The following GSDME variants were observed in gnomAD, a reference collection of about 807,000 sequenced individuals.
GSDME encodes the protein gasdermin E.
In GSDME, 44 loss-of-function variants were observed where a neutral mutation model predicts 47.5. That is an observed-to-expected ratio of 0.93 (90% CI 0.73 to 1.19). The LOEUF (loss-of-function observed/expected upper bound fraction) is 1.19, where lower values mean the gene tolerates loss of function less well. GSDME is among the 50% of genes most tolerant of loss of function. The pLI is 0.00. For missense variants in GSDME, 663 were observed against 604.2 expected (o/e 1.10, Z -1.02); for synonymous variants, 258 against 252.8 (o/e 1.02, Z -0.20).
In GSDME at chr7:24,710,260, A is replaced by G. The variant is rs727502954; in HGVS notation, c.826T>C (p.Ser276Pro). The change falls in exon 6 of 10, where the codon TCT becomes CCT. Residue 276 changes from serine (S) to proline (P), a missense_variant. Physicochemically the swap from Ser to Pro is moderately conservative, Grantham distance 74 (BLOSUM62 -1). Transcript: ENST00000645220. ...ACACTTAATGGTCCATCCTGGGAAG[A>G]TATCCCATGCGCAGCATCTGGCATG... ...IDMPDAAHGI[S>P]SQDGPLSVLK... The G allele has an allele frequency of 1.5e-5, 25 of 1,614,062 alleles. No homozygotes were observed. The highest frequency in any genetic ancestry group is 5.9e-6 in the Non-Finnish European group (7 of 1,180,054).
In GSDME at chr7:24,744,362, T is replaced by TC. The variant is rs71582854; in HGVS notation, c.404+199dup. ...ATCCTTTGAAAGTGCTTCCCAAGTCTCCCCCCACTCAGGCTAAGAACAGTC... is the reference window on the plus strand; with the variant it reads ...ATCCTTTGAAAGTGCTTCCCAAGTCTCCCCCCCACTCAGGCTAAGAACAGTC... On this transcript the variant is annotated intron_variant, in intron 3 of 9. Coordinates refer to ENST00000645220, the MANE Select transcript of GSDME (RefSeq NM_001127453.2). This position sits in a 1 kb window ranked among gnomAD's most constrained non-coding sequence, Gnocchi z 4.5. 4 of 625,900 alleles carry TC rather than the reference T, an allele frequency of 6.4e-6. No homozygotes were observed. The highest frequency in any genetic ancestry group is 2.8e-6 in the Non-Finnish European group (1 of 353,266). 38.8% of individuals were successfully genotyped at this position (625,900 alleles called of 1,614,324 possible). A position where few individuals can be genotyped will look rare whatever the true frequency, so the allele number is the denominator to read the frequency against.
chr7:24,750,871 A>G (rs1309017160), intron 1 of GSDME, among the ~76,000 whole-genome samples: 1 of 152,250 alleles, frequency 6.6e-6, no homozygotes, highest in East Asian at 1.9e-4. Flanking sequence ...ACTCAAGAGA[A>G]GCAGTATAGA....
At chr7:24,778,014 GCTCC>G in the GSDME span, among the ~76,000 whole-genome samples, 1 of 150,760 alleles carries the variant, frequency 6.6e-6, no homozygotes, top group Admixed American at 6.6e-5. This position sits in a 1 kb window ranked among gnomAD's most constrained non-coding sequence, Gnocchi z 5.6. Flanking sequence ...TCCCATAAAG[GCTCC>G]CTCTAAAAGG....
intron 3 of GSDME, among the ~76,000 whole-genome samples, chr7:24,730,903 T>C (rs370475758): frequency 1.3e-5 from 2 of 152,272 alleles, no homozygotes; most frequent in African/African-American, 4.8e-5. Flanking sequence ...GAACAAGTAT[T>C]GGAGGGTCCC....
Position 24,728,990 on chromosome 7 carries a change from C to A in GSDME, c.405-9772G>T, listed in dbSNP as rs1349439116. Reference sequence around the variant, plus strand: ...TTGTTGCCAAAGTGACCAAGTCACCCGCAGACTGTGGCTGCTCCGCCTCTG... The same window carrying A: ...TTGTTGCCAAAGTGACCAAGTCACCAGCAGACTGTGGCTGCTCCGCCTCTG... On this transcript the variant is annotated intron_variant, in intron 3 of 9. Transcript: ENST00000645220. The surrounding 1 kb of genome is among the most constrained non-coding windows in gnomAD (Gnocchi z 7.2). Among the ~76,000 whole-genome samples the A allele has an allele frequency of 6.6e-6, 1 of 152,194 alleles. No homozygotes were observed. The highest frequency in any genetic ancestry group is 6.5e-5 in the Admixed American group (1 of 15,282).
chr7:24,794,153 CTCTT>C, the GSDME span, among the ~76,000 whole-genome samples: 1 of 150,546 alleles, frequency 6.6e-6, no homozygotes, highest in African/African-American at 2.4e-5. Flanking sequence ...CTCTCTTTCT[CTCTT>C]TGACTTCCTT....
intron 1 of GSDME, among the ~76,000 whole-genome samples, chr7:24,753,183 A>G (rs1050945649): frequency 3.3e-5 from 5 of 152,222 alleles, no homozygotes; most frequent in East Asian, 1.9e-4. Context: ...TTACATGTGA[A>G]TTATACTTAC....
At chr7:24,701,899 C>A (rs1038897112) in intron 9 of GSDME, among the ~76,000 whole-genome samples, 4 of 152,214 alleles carry the variant, frequency 2.6e-5, no homozygotes, top group Non-Finnish European at 4.4e-5. Context: ...AACCACATTA[C>A]TCGGTGTTCC....
chr7:24,744,718 T>C lies in GSDME; in HGVS notation c.248A>G (p.Lys83Arg), dbSNP rs1173732499. The change falls in exon 3 of 10, where the codon AAG becomes AGG. Residue 83 changes from lysine (K) to arginine (R), a missense_variant. Physicochemically the swap from Lys to Arg is conservative, Grantham distance 26. Transcript: ENST00000645220. The surrounding 1 kb of genome is among the most constrained non-coding windows in gnomAD (Gnocchi z 4.5). The part of the protein sequence containing the change: ...VESDFVKYEG[K>R]FANHVSGTLE... ...GGTTCCACTCACGTGGTTTGCAAAC[T>C]TGCCCTCGTATTTCACAAAGTCCGA... The C allele has an allele frequency of 1.9e-6, 3 of 1,614,146 alleles. No individual in the cohort carries two copies. The highest frequency in any genetic ancestry group is 2.2e-5 in the East Asian group (1 of 44,884).
rs916472397 is a variant in GSDME at position 24,728,691 on chromosome 7, A to T, written c.405-9473T>A. On this transcript the variant is annotated intron_variant, in intron 3 of 9. Coordinates refer to ENST00000645220, the MANE Select transcript of GSDME (RefSeq NM_001127453.2). This position sits in a 1 kb window ranked among gnomAD's most constrained non-coding sequence, Gnocchi z 7.2. ...CAGGAAGTGGATCCTCTTGGAAACG[A>T]AAGCAGCCGCCCACTGTCTCCCCCG... Among the ~76,000 whole-genome samples, 2 of 152,188 alleles carry T rather than the reference A, an allele frequency of 1.3e-5. No homozygotes were observed. Among genetic ancestry groups the T allele is most frequent in the Admixed American group, 6.5e-5 (1 of 15,282 alleles).
intron 3 of GSDME, among the ~76,000 whole-genome samples, chr7:24,720,714 G>C (rs777682252): frequency 7.2e-5 from 11 of 152,176 alleles, no homozygotes; most frequent in African/African-American, 9.7e-5. Context: ...TCGGGAGTTC[G>C]AGACCAGCCT....
In GSDME at chr7:24,756,138, C is replaced by T. The variant is rs2188880; in HGVS notation, c.-20+1258G>A. ...GATGGTCATAAGACAGGCAGGAGCT[C>T]GAAAGGAGAAGGAGAGTGAGGCGCC... On this transcript the variant is annotated intron_variant, in intron 1 of 9. Coordinates refer to ENST00000645220, the MANE Select transcript of GSDME (RefSeq NM_001127453.2). This position sits in a 1 kb window ranked among gnomAD's most constrained non-coding sequence, Gnocchi z 4.2. Among the ~76,000 whole-genome samples, 23,225 of 152,082 alleles carry T rather than the reference C, an allele frequency of 0.15. 4,265 individuals are homozygous for T. The highest frequency in any genetic ancestry group is 0.44 in the African/African-American group (18,261 of 41,420).
chr7:24,795,258 G>A, the GSDME span, among the ~76,000 whole-genome samples: 17 of 152,190 alleles, frequency 1.1e-4, no homozygotes, highest in Admixed American at 3.9e-4. Flanking sequence ...GGAGTCCCCC[G>A]CAGGGATGTT....
At chr7:24,703,151 T>C (rs1788948755) in intron 8 of GSDME, 1 of 362,924 alleles carries the variant, frequency 2.8e-6, no homozygotes, top group Non-Finnish European at 5.4e-6. Context: ...GACCCTGCCA[T>C]CTGGTGACAG....
At chr7:24,751,447 C>T (rs557502451) in intron 1 of GSDME, among the ~76,000 whole-genome samples, 1 of 152,324 alleles carries the variant, frequency 6.6e-6, no homozygotes, top group African/African-American at 2.4e-5. Flanking sequence ...CAGACTTTAG[C>T]TCAATCCACC....
chr7:24,723,234 C>T (rs1160737610), intron 3 of GSDME, among the ~76,000 whole-genome samples: 1 of 152,170 alleles, frequency 6.6e-6, no homozygotes, highest in African/African-American at 2.4e-5. Context: ...ATGGATTTTT[C>T]GTTTGACTCT....
chr7:24,701,881 A>C (rs943157737), intron 9 of GSDME, among the ~76,000 whole-genome samples: 2 of 152,184 alleles, frequency 1.3e-5, no homozygotes, highest in Non-Finnish European at 2.9e-5. Context: ...GCTATGCACA[A>C]AGGCACCAAC....
At chr7:24,746,671 AAC>A (rs887016271) in intron 2 of GSDME, among the ~76,000 whole-genome samples, 1 of 152,214 alleles carries the variant, frequency 6.6e-6, no homozygotes, top group Non-Finnish European at 1.5e-5. Context: ...AGCAGGAAGG[AAC>A]AGTCAAGATT....
the GSDME span, among the ~76,000 whole-genome samples, chr7:24,764,868 A>T: frequency 1.3e-5 from 2 of 152,222 alleles, no homozygotes; most frequent in African/African-American, 4.8e-5. This position sits in a 1 kb window ranked among gnomAD's most constrained non-coding sequence, Gnocchi z 4.4. Flanking sequence ...ATTCCATTCC[A>T]TTTTACAAAT....
Sources: allele counts gnomAD v4.1 joint callset (sites outside exome capture counted in the v4.1 genomes callset), GRCh38; gene constraint gnomAD v4.1.1; non-coding constraint Gnocchi (gnomAD v3.1); transcripts MANE v1.5; gene names NCBI Gene and HGNC (gene_info 2026-07-23, HGNC 2026-07-21).